The following DHX37 variants were observed in gnomAD, a reference collection of about 807,000 sequenced individuals.
DHX37 encodes probable ATP-dependent RNA helicase DHX37.
DHX37 carries 52 observed loss-of-function variants against 134.3 expected under a neutral mutation model. The observed-to-expected ratio is 0.39, with a 90% CI of 0.31 to 0.49. DHX37 has a LOEUF of 0.49. DHX37 is among the 20% of genes least tolerant of loss of function. The pLI, the probability that DHX37 is intolerant of heterozygous loss-of-function variation, is 0.93. For synonymous variants in DHX37, 634 were observed against 670.7 expected, an observed-to-expected ratio of 0.95 and a Z score of 0.85; for missense variants, 1,344 against 1,580.8, an observed-to-expected ratio of 0.85 and a Z score of 2.54.
chr12:124,961,148 G>A (rs1954232329), intron 15 of DHX37, among the ~76,000 whole-genome samples: 3 of 151,400 alleles, frequency 2.0e-5, no homozygotes, highest in South Asian at 2.1e-4. Context: ...ACGCGTGCAC[G>A]CACGCACACA....
At chr12:124,973,499 T>C (rs1423433805) in intron 6 of DHX37, among the ~76,000 whole-genome samples, 2 of 68,296 alleles carry the variant, frequency 2.9e-5, no homozygotes, top group Admixed American at 1.8e-4. Context: ...TTCTAAACAG[T>C]GGGGGGGAGG....
At chr12:124,985,026 C>T (rs1457315823) in intron 2 of DHX37, among the ~76,000 whole-genome samples, 2 of 152,128 alleles carry the variant, frequency 1.3e-5, no homozygotes, top group African/African-American at 4.8e-5. Flanking sequence ...AGTGACGCAG[C>T]CACAAGCCAA....
intron 25 of DHX37, 89 bp from the exon 26 acceptor site, chr12:124,948,270 C>T (rs1210663183): frequency 1.3e-6 from 2 of 1,499,838 alleles, no homozygotes; most frequent in East Asian, 4.9e-5. Flanking sequence ...GGCATCACCA[C>T]CCCACCAGCC....
At chr12:124,960,175 G>C in intron 16 of DHX37, 137 bp downstream of exon 16, 1 of 1,421,924 alleles carries the variant, frequency 7.0e-7, no homozygotes, top group Non-Finnish European at 9.4e-7. Flanking sequence ...AGCCCTGGGA[G>C]CACCTGCTGA....
intron 2 of DHX37, among the ~76,000 whole-genome samples, chr12:124,984,160 C>G (rs1954818120): frequency 6.6e-6 from 1 of 152,176 alleles, no homozygotes; most frequent in East Asian, 1.9e-4. Flanking sequence ...GCGCGCAAAA[C>G]TGTTCCGGAT....
chr12:124,960,892 T>C (rs1954224191), intron 15 of DHX37, among the ~76,000 whole-genome samples: 1 of 152,198 alleles, frequency 6.6e-6, no homozygotes. Flanking sequence ...GAGGCAAAGG[T>C]TGGGGTGAGC....
chr12:124,952,599 T>C, intron 20 of DHX37, 29 bp from the exon 21 acceptor site: 1 of 1,541,302 alleles, frequency 6.5e-7, no homozygotes, highest in Non-Finnish European at 8.8e-7. Flanking sequence ...GTGAGGTCGG[T>C]GGTGGCAAGG....
intron 21 of DHX37, among the ~76,000 whole-genome samples, chr12:124,951,273 C>T (rs961786672): frequency 1.1e-5 from 1 of 93,180 alleles, no homozygotes; most frequent in Non-Finnish European, 2.1e-5. Flanking sequence ...AAGAGCAAAA[C>T]TCCTTCTCAA....
At chr12:124,950,637 C>A (rs910365763) in intron 22 of DHX37, 53 bp downstream of exon 22, 2 of 1,594,532 alleles carry the variant, frequency 1.3e-6, no homozygotes, top group Non-Finnish European at 1.7e-6. Flanking sequence ...CCCAGCCACA[C>A]CCCCATTAGC....
rs144361568 is a variant in DHX37 at position 124,973,376 on chromosome 12, C to T, written c.981-777G>A. On this transcript the variant is annotated intron_variant, in intron 6 of 26. Coordinates refer to ENST00000308736, the MANE Select transcript of DHX37 (RefSeq NM_032656.4). ...CCAAGATCGCACCACTGAACTCCAG[C>T]CTGGGTGACAAAGTGAAACTCCGTC... Among the ~76,000 whole-genome samples, 1,208 of 151,974 alleles carry T rather than the reference C, an allele frequency of 7.9e-3. 11 individuals carry two copies. The highest frequency in any genetic ancestry group is 0.02 in the Middle Eastern group (6 of 294).
chr12:124,969,480 A>C (rs1414623603), intron 8 of DHX37, among the ~76,000 whole-genome samples: 1 of 152,122 alleles, frequency 6.6e-6, no homozygotes, highest in Non-Finnish European at 1.5e-5. Context: ...TGTGGGAGGC[A>C]GGACACCCAG....
rs539644169 is a variant in DHX37 at position 124,971,177 on chromosome 12, C to T, written c.1191+125G>A. The T allele has an allele frequency of 6.7e-5, 97 of 1,439,170 alleles. No individual in the cohort carries two copies. The Middle Eastern group carries it at 7.5e-4, about 11-fold the overall frequency. 89.2% of individuals were successfully genotyped at this position (1,439,170 alleles called of 1,614,324 possible). A position where few individuals can be genotyped will look rare whatever the true frequency, so the allele number is the denominator to read the frequency against. On this transcript the variant is annotated intron_variant, in intron 8 of 26. Coordinates refer to ENST00000308736, the MANE Select transcript of DHX37 (RefSeq NM_032656.4). Reference sequence around the variant, plus strand: ...CCTAGGCCCAGGGAGACCTTGTGCTCGGGGTACCTGCTCATGGCAGCAGCC... The same window carrying T: ...CCTAGGCCCAGGGAGACCTTGTGCTTGGGGTACCTGCTCATGGCAGCAGCC...
intron 16 of DHX37, among the ~76,000 whole-genome samples, chr12:124,958,760 G>A (rs1356180605): frequency 6.6e-6 from 1 of 151,248 alleles, no homozygotes; most frequent in East Asian, 1.9e-4. Context: ...CGAGTAGCTG[G>A]AACTACAGGT....
intron 8 of DHX37, 25 bp downstream of exon 8, chr12:124,971,277 C>T (rs1177467351): frequency 6.2e-7 from 1 of 1,606,918 alleles, no homozygotes; most frequent in Non-Finnish European, 8.5e-7. Flanking sequence ...GCTCGGGGCT[C>T]CCCAGCACCC....
chr12:124,972,406 C>T, intron 7 of DHX37, 97 bp downstream of exon 7: 1 of 1,272,060 alleles, frequency 7.9e-7, no homozygotes, highest in South Asian at 1.2e-5. Flanking sequence ...GCTGGATCAA[C>T]AGGTGGCTTG....
intron 6 of DHX37, 137 bp downstream of exon 6, chr12:124,975,282 C>T (rs1565890035): frequency 1.2e-6 from 1 of 853,410 alleles, no homozygotes; most frequent in East Asian, 2.5e-5. Flanking sequence ...CACAATGATT[C>T]CCAGTGCTAC....
At chr12:124,984,128 G>A (rs911682413) in intron 2 of DHX37, among the ~76,000 whole-genome samples, 2 of 152,232 alleles carry the variant, frequency 1.3e-5, no homozygotes, top group African/African-American at 2.4e-5. Context: ...ACTGCCAAAT[G>A]TCCCTGGGGC....
intron 4 of DHX37, among the ~76,000 whole-genome samples, chr12:124,977,781 C>T (rs188995686): frequency 3.2e-4 from 49 of 152,286 alleles, no homozygotes; most frequent in African/African-American, 1.1e-3. Context: ...TCTCAATTAA[C>T]GGCCCAGCCA....
At chr12:124,956,034 T>G (rs1954086911) in intron 18 of DHX37, among the ~76,000 whole-genome samples, 1 of 152,264 alleles carries the variant, frequency 6.6e-6, no homozygotes, top group Non-Finnish European at 1.5e-5. Flanking sequence ...CTCTGTCATC[T>G]GACAAGATGG....
Sources: allele counts gnomAD v4.1 joint callset (sites outside exome capture counted in the v4.1 genomes callset), GRCh38; gene constraint gnomAD v4.1.1; transcripts MANE v1.5; gene names NCBI Gene and HGNC (gene_info 2026-07-23, HGNC 2026-07-21).